LRP12: variants seen among roughly 807,000 people sequenced by gnomAD.
The protein encoded by LRP12 is LDL receptor related protein 12, also known as low-density lipoprotein receptor-related protein 12.
Under a neutral mutation model 66.0 loss-of-function variants are expected in LRP12, and 14 were observed. The ratio of observed to expected loss-of-function variants is 0.21; its 90% CI spans 0.14 to 0.33. The LOEUF (loss-of-function observed/expected upper bound fraction) is 0.33. Ranked by LOEUF, LRP12 falls within the 10% of genes least tolerant of loss-of-function variation. LRP12 has a pLI of 1.00. For missense variants in LRP12, 889 were observed against 1,053.4 expected, an observed-to-expected ratio of 0.84 and a Z score of 2.16; for synonymous variants, 357 against 359.1, an observed-to-expected ratio of 0.99 and a Z score of 0.07.
At chr8:104,536,765 A>G (rs1404937833) in intron 1 of LRP12, among the ~76,000 whole-genome samples, 1 of 152,064 alleles carries the variant, frequency 6.6e-6, no homozygotes, top group Non-Finnish European at 1.5e-5. Flanking sequence ...AAAAAAAAGT[A>G]AAACTGTGTC....
chr8:104,512,188 G>A (rs746248881), intron 2 of LRP12, among the ~76,000 whole-genome samples: 20 of 152,226 alleles, frequency 1.3e-4, no homozygotes, highest in Non-Finnish European at 2.9e-4. Flanking sequence ...GTGGTGGCGT[G>A]CACCTGTAGT....
At chr8:104,538,351 CATT>C (rs1034956012) in intron 1 of LRP12, among the ~76,000 whole-genome samples, 9 of 152,178 alleles carry the variant, frequency 5.9e-5, no homozygotes, top group African/African-American at 2.2e-4. Flanking sequence ...GCATCAAACA[CATT>C]AGTCTTCTGC....
chr8:104,584,822 G>T (rs1253358978), intron 1 of LRP12, among the ~76,000 whole-genome samples: 1 of 152,166 alleles, frequency 6.6e-6, no homozygotes, highest in East Asian at 1.9e-4. Flanking sequence ...TTTGTAAGAA[G>T]TAATTGGTAT....
At chr8:104,496,052 A>T (rs954820250) in intron 5 of LRP12, 1 of 152,148 alleles carries the variant, frequency 6.6e-6, no homozygotes, top group African/African-American at 2.4e-5. Context: ...ATTATTTGTA[A>T]TTCTCCTGGG....
chr8:104,538,942 T>C (rs138003307), intron 1 of LRP12, among the ~76,000 whole-genome samples: 1 of 152,246 alleles, frequency 6.6e-6, no homozygotes, highest in African/African-American at 2.4e-5. Context: ...CATTTACCAG[T>C]TTACTGAAAA....
chr8:104,533,670 TTTA>T (rs1811358344), intron 1 of LRP12, among the ~76,000 whole-genome samples: 2 of 151,992 alleles, frequency 1.3e-5, no homozygotes, highest in South Asian at 4.1e-4. Context: ...CCAGGAGAGT[TTTA>T]ATATCAGATT....
chr8:104,569,632 A>T (rs1373712601), intron 1 of LRP12, among the ~76,000 whole-genome samples: 1 of 152,102 alleles, frequency 6.6e-6, no homozygotes, highest in African/African-American at 2.4e-5. Flanking sequence ...TCATAATAAA[A>T]CTCTTAGCAA....
intron 3 of LRP12, chr8:104,506,968 T>C (rs1207971194): frequency 6.6e-6 from 1 of 152,208 alleles, no homozygotes; most frequent in Non-Finnish European, 1.5e-5. Context: ...TGAATGCTGA[T>C]TTTCTTTTTT....
chr8:104,538,561 C>A (rs1268413127), intron 1 of LRP12, among the ~76,000 whole-genome samples: 2 of 152,068 alleles, frequency 1.3e-5, no homozygotes, highest in African/African-American at 4.8e-5. Context: ...ATTTTGCATT[C>A]TTGAATGAAT....
chr8:104,588,342 GA>G (rs1228269723), intron 1 of LRP12, among the ~76,000 whole-genome samples: 1 of 152,190 alleles, frequency 6.6e-6, no homozygotes, highest in Non-Finnish European at 1.5e-5. Context: ...AATCGAGTAG[GA>G]CAAGGGCTGG....
At chr8:104,559,125 A>G (rs2140885993) in intron 1 of LRP12, among the ~76,000 whole-genome samples, 1 of 152,326 alleles carries the variant, frequency 6.6e-6, no homozygotes, top group East Asian at 1.9e-4. Flanking sequence ...CCAGAGGAAA[A>G]GAAGTCATAT....
At position 104,547,220 on chromosome 8, in the gene LRP12, C is replaced by CTA. The variant is rs1274961925; in HGVS notation, c.80-15258_80-15257insTA. On this transcript the variant is annotated intron_variant, in intron 1 of 6. Coordinates refer to ENST00000276654, the MANE Select transcript of LRP12 (RefSeq NM_013437.5). ...CATATTTTGTATATAATATACAATTCTGTTATATTTTGTATATAATATACA... is the reference window on the plus strand; with the variant it reads ...CATATTTTGTATATAATATACAATTCTATGTTATATTTTGTATATAATATACA... Among the ~76,000 whole-genome samples, 3 of 134,928 alleles carry CTA rather than the reference C, an allele frequency of 2.2e-5. 1 individual carries two copies. Among genetic ancestry groups the CTA allele is most frequent in the African/African-American group, 8.4e-5 (3 of 35,558 alleles). 88.5% of individuals were successfully genotyped at this position (134,928 alleles called of 152,430 possible).
At chr8:104,576,409 C>T (rs1174542135) in intron 1 of LRP12, among the ~76,000 whole-genome samples, 15 of 140,228 alleles carry the variant, frequency 1.1e-4, no homozygotes, top group Admixed American at 9.8e-4. Flanking sequence ...ATCAGACTAA[C>T]AGCACACCTC....
At chr8:104,552,875 T>C (rs1009234945) in intron 1 of LRP12, among the ~76,000 whole-genome samples, 3 of 152,320 alleles carry the variant, frequency 2.0e-5, no homozygotes, top group Middle Eastern at 3.4e-3. Flanking sequence ...TGAATGAAGC[T>C]GCTTGCTGCT....
At chr8:104,514,906 T>C (rs1488761116) in intron 2 of LRP12, among the ~76,000 whole-genome samples, 5 of 152,158 alleles carry the variant, frequency 3.3e-5, no homozygotes, top group Non-Finnish European at 7.3e-5. Flanking sequence ...TGGAATGCTG[T>C]ATTGAGATGG....
chr8:104,565,994 T>C, intron 1 of LRP12: 1 of 145,210 alleles, frequency 6.9e-6, no homozygotes, highest in Non-Finnish European at 1.4e-5. Context: ...GAGGGGGAGA[T>C]GCGGGGAGAG....
chr8:104,517,064 T>C (rs1029026015), intron 2 of LRP12, among the ~76,000 whole-genome samples: 1 of 151,690 alleles, frequency 6.6e-6, no homozygotes, highest in Non-Finnish European at 1.5e-5. Context: ...CACCTAACTT[T>C]ATAAGACACA....
At chr8:104,545,875 A>C (rs1811548268) in intron 1 of LRP12, among the ~76,000 whole-genome samples, 1 of 152,102 alleles carries the variant, frequency 6.6e-6, no homozygotes, top group African/African-American at 2.4e-5. Flanking sequence ...TGGTTTATTA[A>C]GTTTTATAGC....
At chr8:104,559,701 T>G (rs542313619) in intron 1 of LRP12, among the ~76,000 whole-genome samples, 1 of 152,202 alleles carries the variant, frequency 6.6e-6, no homozygotes, top group East Asian at 1.9e-4. Flanking sequence ...AAAGGATATC[T>G]CTCTATTTAG....
Sources: allele counts gnomAD v4.1 joint callset (sites outside exome capture counted in the v4.1 genomes callset), GRCh38; gene constraint gnomAD v4.1.1; transcripts MANE v1.5; gene names NCBI Gene and HGNC (gene_info 2026-07-23, HGNC 2026-07-21).